WDR44: variants seen among roughly 807,000 people sequenced by gnomAD.
The protein encoded by WDR44 is WD repeat-containing protein 44.
In WDR44, 9 loss-of-function variants were observed where a neutral mutation model predicts 65.7. The observed-to-expected ratio is 0.14, with a 90% CI of 0.08 to 0.24. The LOEUF (loss-of-function observed/expected upper bound fraction) is 0.24. WDR44 is among the 10% of genes least tolerant of loss of function. WDR44 has a pLI of 1.00. For synonymous variants in WDR44, 220 were observed against 235.2 expected, an observed-to-expected ratio of 0.94 and a Z score of 0.59; for missense variants, 425 against 670.9, an observed-to-expected ratio of 0.63 and a Z score of 4.05.
At chrX:118,436,427 T>C (rs1032219805) in intron 13 of WDR44, 4 of 352,745 alleles carry the variant, frequency 1.1e-5, no homozygotes, top group African/African-American at 1.0e-4. Context: ...AGTTCTCTGC[T>C]GGTGCCTGGC....
intron 13 of WDR44, 167 bp from the exon 14 acceptor site, chrX:118,436,535 G>A (rs769930366): frequency 1.6e-6 from 1 of 625,139 alleles, no homozygotes; most frequent in South Asian, 2.3e-5. Context: ...ACTGTTTGGG[G>A]GAAAATAGGA....
intron 14 of WDR44, among the ~76,000 whole-genome samples, chrX:118,441,061 G>A (rs373493644): frequency 3.1e-5 from 3 of 96,439 alleles, no homozygotes; most frequent in African/African-American, 1.2e-4. Context: ...CTGGGTTCAA[G>A]CGATTCTCCT....
chrX:118,398,395 C>T lies in WDR44; in HGVS notation c.1199C>T (p.Ala400Val), dbSNP rs763417168. 21 of 1,206,846 alleles carry T rather than the reference C, an allele frequency of 1.7e-5. No homozygotes were observed. Among genetic ancestry groups the T allele is most frequent in the East Asian group, 3.0e-5 (1 of 33,745 alleles). The change falls in exon 8 of 20, where the codon GCG (alanine) becomes GTG (valine). Residue 400 changes from alanine (A) to valine (V), a missense_variant. Physicochemically the swap from Ala to Val is moderately conservative, Grantham distance 64 (BLOSUM62 0). Coordinates refer to ENST00000254029, the MANE Select transcript of WDR44 (RefSeq NM_019045.5). ...RRTKEYVSND[A>V]AQSDDEEKLQ... is the part of the protein sequence containing the mutation. ...ACTTCCCCTTCTTACAGTAATGACG[C>T]GGCACAGTCAGATGATGAAGAGAAG...
chrX:118,442,175 A>G (rs1692330052), intron 15 of WDR44, 69 bp from the exon 16 acceptor site: 1 of 945,093 alleles, frequency 1.1e-6, no homozygotes, highest in Non-Finnish European at 1.5e-6. Context: ...CTGAGTAGCT[A>G]GAGTTACAGA....
intron 1 of WDR44, among the ~76,000 whole-genome samples, chrX:118,369,632 CT>C (rs1450511233): frequency 9.3e-6 from 1 of 107,361 alleles, no homozygotes; most frequent in South Asian, 4.2e-4. Context: ...CCACGCCTGA[CT>C]AATTTTTTGT....
chrX:118,368,402 T>G (rs758214021), intron 1 of WDR44, among the ~76,000 whole-genome samples: 2 of 103,810 alleles, frequency 1.9e-5, no homozygotes, highest in African/African-American at 3.7e-5. Flanking sequence ...TCCTATACCG[T>G]TTTATAAAAT....
rs767107741 is a variant in WDR44 at position 118,394,075 on chromosome X, T to A, written c.847T>A (p.Ser283Thr). ...TGCAGTTCCCAAAGAGAATATTACG[T>A]CTGATTCTCTCCTAACCGCAAGCAT... is the stretch of plus-strand genomic sequence containing the variant. ...DIDVPKENIT[S>T]DSLLTASMAS... Residue 283 changes from serine (S) to threonine (T), a missense_variant, in exon 5 of 20, where the codon TCT becomes ACT. Ser to Thr is a moderately conservative substitution (Grantham distance 58). This residue lies in a region of WDR44 where 193 missense variants were observed against 209.0 expected (regional missense o/e 0.92). Coordinates refer to ENST00000254029, the MANE Select transcript of WDR44 (RefSeq NM_019045.5). 4.1e-6 allele frequency: 5 copies of A among 1,208,753 alleles called. No homozygotes were observed. The African/African-American group carries it at 7.0e-5, about 17-fold the overall frequency.
At chrX:118,433,487 A>C (rs139295745) in intron 13 of WDR44, among the ~76,000 whole-genome samples, 2 of 111,531 alleles carry the variant, frequency 1.8e-5, no homozygotes, top group Non-Finnish European at 3.8e-5. Flanking sequence ...TCATTTTACC[A>C]CCTGGTTAAG....
chrX:118,444,222 T>C (rs983944091), intron 18 of WDR44, 138 bp from the exon 19 acceptor site: 1 of 662,511 alleles, frequency 1.5e-6, no homozygotes, highest in African/African-American at 2.2e-5. Context: ...TGATTTTTTT[T>C]AGAAAAATTT....
chrX:118,440,294 C>T (rs962127139), intron 14 of WDR44, among the ~76,000 whole-genome samples: 13 of 109,869 alleles, frequency 1.2e-4, no homozygotes, highest in Non-Finnish European at 2.5e-4. Context: ...TAGCAGCATC[C>T]CTGGTCTCTA....
intron 2 of WDR44, among the ~76,000 whole-genome samples, chrX:118,378,932 T>C (rs2056689135): frequency 9.3e-6 from 1 of 107,360 alleles, no homozygotes; most frequent in African/African-American, 3.4e-5. Context: ...TATTCCCAGC[T>C]ACTTGGGAGA....
At chrX:118,406,472 G>A (rs748664366) in intron 9 of WDR44, among the ~76,000 whole-genome samples, 2 of 111,603 alleles carry the variant, frequency 1.8e-5, no homozygotes, top group Admixed American at 1.9e-4. Context: ...AACCTCCTAT[G>A]CTTTTGTCAT....
At chrX:118,447,495 T>C (rs1347959040) in intron 19 of WDR44, among the ~76,000 whole-genome samples, 2 of 111,512 alleles carry the variant, frequency 1.8e-5, no homozygotes, top group African/African-American at 3.3e-5. Flanking sequence ...CCCCTCTCTC[T>C]TTGTTCCTGA....
At chrX:118,379,753 TATATC>T (rs756287650) in intron 2 of WDR44, among the ~76,000 whole-genome samples, 13 of 112,063 alleles carry the variant, frequency 1.2e-4, no homozygotes, top group Admixed American at 1.9e-4. Context: ...TAAGAAAAGT[TATATC>T]ATAACTCTTA....
chrX:118,347,558 G>A (rs1336776861), intron 1 of WDR44, among the ~76,000 whole-genome samples: 2 of 112,157 alleles, frequency 1.8e-5, no homozygotes, highest in African/African-American at 6.5e-5. Flanking sequence ...AGAACTTGAG[G>A]ATTGGTAAAA....
At chrX:118,385,918 A>G (rs1164180421) in intron 2 of WDR44, among the ~76,000 whole-genome samples, 1 of 110,967 alleles carries the variant, frequency 9.0e-6, no homozygotes, top group Non-Finnish European at 1.9e-5. Flanking sequence ...TTTGGATTTT[A>G]TCTAATACTT....
chrX:118,430,744 G>A (rs1328238198), intron 12 of WDR44, among the ~76,000 whole-genome samples: 3 of 111,535 alleles, frequency 2.7e-5, no homozygotes, highest in Non-Finnish European at 5.6e-5. Context: ...GGGAAGCTGA[G>A]GCAGTAGAAT....
intron 14 of WDR44, among the ~76,000 whole-genome samples, chrX:118,439,433 G>A (rs1189304781): frequency 9.2e-6 from 1 of 108,868 alleles, no homozygotes. Context: ...AAAATTAGCC[G>A]GCCGTCGTGT....
chrX:118,354,187 G>A (rs2056439046), intron 1 of WDR44, among the ~76,000 whole-genome samples: 2 of 111,463 alleles, frequency 1.8e-5, no homozygotes, highest in African/African-American at 6.5e-5. Context: ...AGGCTGAGGT[G>A]GAGGGATCAC....
Sources: allele counts gnomAD v4.1 joint callset (sites outside exome capture counted in the v4.1 genomes callset), GRCh38; gene constraint gnomAD v4.1.1; regional missense constraint gnomAD v4.1.1; transcripts MANE v1.5; gene names NCBI Gene and HGNC (gene_info 2026-07-23, HGNC 2026-07-21).